LRIF1: variants seen among roughly 807,000 people sequenced by gnomAD.
The protein encoded by LRIF1 is ligand dependent nuclear receptor interacting factor 1, also known as ligand-dependent nuclear receptor-interacting factor 1.
In LRIF1, 32 loss-of-function variants were observed where a neutral mutation model predicts 52.7. That is an observed-to-expected ratio of 0.61 (90% CI 0.46 to 0.82). The LOEUF (loss-of-function observed/expected upper bound fraction) is 0.82, where lower values mean the gene tolerates loss of function less well. Ranked by LOEUF, LRIF1 falls within the 40% of genes least tolerant of loss-of-function variation. The pLI, the probability that LRIF1 is intolerant of heterozygous loss-of-function variation, is 0.00. For missense variants in LRIF1, 887 were observed against 892.0 expected, an observed-to-expected ratio of 0.99 and a Z score of 0.07; for synonymous variants, 323 against 317.4, an observed-to-expected ratio of 1.02 and a Z score of -0.19.
At chr1:110,915,734 G>A in the LRIF1 span, among the ~76,000 whole-genome samples, 10 of 152,132 alleles carry the variant, frequency 6.6e-5, no homozygotes, top group African/African-American at 2.4e-4. Context: ...TATACACAAG[G>A]CCAGTGTTTC....
At chr1:110,896,956 C>CT in the LRIF1 span, among the ~76,000 whole-genome samples, 1 of 152,176 alleles carries the variant, frequency 6.6e-6, no homozygotes, top group Non-Finnish European at 1.5e-5. Flanking sequence ...CTACACTAGA[C>CT]TATTACATTA....
chr1:110,945,385 TC>T (rs372916506), downstream of LRIF1, among the ~76,000 whole-genome samples: 145 of 151,946 alleles, frequency 9.5e-4, no homozygotes, highest in African/African-American at 3.3e-3. Flanking sequence ...TGCCCTTCCC[TC>T]CCCCTCTTCC....
chr1:110,940,803 G>C, the LRIF1 span: 1 of 152,148 alleles, frequency 6.6e-6, no homozygotes, highest in Non-Finnish European at 1.5e-5. Context: ...CATGGAGATA[G>C]TAGGATAGTT....
the LRIF1 span, among the ~76,000 whole-genome samples, chr1:110,894,063 G>A: frequency 6.6e-6 from 1 of 152,198 alleles, no homozygotes; most frequent in African/African-American, 2.4e-5. Context: ...AACAGGTGGT[G>A]GTGTGTATGT....
At chr1:110,894,289 G>C in the LRIF1 span, 13 of 1,579,078 alleles carry the variant, frequency 8.2e-6, no homozygotes, top group Admixed American at 1.7e-5. Flanking sequence ...GACGAGAATG[G>C]GGATCAGTGC....
the LRIF1 span, among the ~76,000 whole-genome samples, chr1:110,914,896 T>A: frequency 7.9e-4 from 120 of 152,350 alleles, no homozygotes; most frequent in African/African-American, 2.8e-3. Context: ...TTCACCACAG[T>A]ATGTCATTAC....
At chr1:110,892,299 A>G in the LRIF1 span, 1 of 1,428,734 alleles carries the variant, frequency 7.0e-7, no homozygotes, top group Admixed American at 1.7e-5. Flanking sequence ...GGAGATACCC[A>G]AGAACCACAT....
the LRIF1 span, among the ~76,000 whole-genome samples, chr1:110,905,990 A>G: frequency 6.6e-6 from 1 of 152,246 alleles, no homozygotes; most frequent in African/African-American, 2.4e-5. Context: ...GGGATATAAG[A>G]TAGTATTTGC....
intron 3 of LRIF1, 38 bp downstream of exon 3, chr1:110,949,813 T>C: frequency 1.3e-6 from 2 of 1,571,190 alleles, no homozygotes; most frequent in Non-Finnish European, 1.7e-6. Flanking sequence ...GTATCATTTG[T>C]AGTACCTATG....
At chr1:110,884,762 CT>C in the LRIF1 span, among the ~76,000 whole-genome samples, 28 of 152,074 alleles carry the variant, frequency 1.8e-4, no homozygotes, top group East Asian at 3.9e-3. Flanking sequence ...ACACTCCAGC[CT>C]TTTTTTCCCT....
At chr1:110,908,049 G>C in the LRIF1 span, among the ~76,000 whole-genome samples, 1 of 152,150 alleles carries the variant, frequency 6.6e-6, no homozygotes, top group Non-Finnish European at 1.5e-5. Flanking sequence ...CTTTCAGAGA[G>C]ATGATAAAAG....
Position 110,948,291 on chromosome 1 carries a change from C to CA in LRIF1, c.1977dup (p.Val660CysfsTer20). 2.5e-6 allele frequency: 4 copies of CA among 1,614,096 alleles called. No individual in the cohort carries two copies. Among genetic ancestry groups the CA allele is most frequent in the Non-Finnish European group, 3.4e-6 (4 of 1,180,012 alleles). ...CTGCTTAGGAGTTGGGAACCGGTGA[C>CA]ATTAGCTTCCCCATTTATGATTGCG... On this transcript the variant is annotated frameshift_variant, in exon 4 of 4. Transcript: ENST00000369763. LOFTEE classifies it high-confidence loss of function.
chr1:110,894,880 T>A, the LRIF1 span: 1 of 1,074,880 alleles, frequency 9.3e-7, no homozygotes, highest in African/African-American at 1.5e-5. Flanking sequence ...GTGGAACCAC[T>A]AACCTATACT....
the LRIF1 span, among the ~76,000 whole-genome samples, chr1:110,904,285 G>T: frequency 6.6e-6 from 1 of 152,210 alleles, no homozygotes. Context: ...GTGAACATAG[G>T]CAGTAGTCAG....
intron 1 of LRIF1, among the ~76,000 whole-genome samples, chr1:110,962,097 A>ACAC (rs1557844753): frequency 5.8e-5 from 5 of 86,390 alleles, no homozygotes; most frequent in African/African-American, 8.1e-5. Context: ...CACACACACA[A>ACAC]AGTAAAGTTG....
the LRIF1 span, chr1:110,897,956 A>C: frequency 1.1e-6 from 1 of 872,106 alleles, no homozygotes; most frequent in Non-Finnish European, 1.9e-6. Flanking sequence ...AGATTTCAGA[A>C]TAATACCAGG....
the LRIF1 span, among the ~76,000 whole-genome samples, chr1:110,931,472 T>A: frequency 1.3e-5 from 2 of 152,224 alleles, no homozygotes; most frequent in Non-Finnish European, 1.5e-5. Context: ...TATAGTAGCA[T>A]GATTTAAAAT....
At chr1:110,900,778 G>A in the LRIF1 span, among the ~76,000 whole-genome samples, 5 of 150,912 alleles carry the variant, frequency 3.3e-5, no homozygotes, top group African/African-American at 1.2e-4. Context: ...AAAAAAAAAG[G>A]AGATTATAGA....
At chr1:110,894,065 T>C in the LRIF1 span, among the ~76,000 whole-genome samples, 72 of 152,284 alleles carry the variant, frequency 4.7e-4, 1 homozygote, top group East Asian at 0.011. Context: ...CAGGTGGTGG[T>C]GTGTATGTAT....
Sources: allele counts gnomAD v4.1 joint callset (sites outside exome capture counted in the v4.1 genomes callset), GRCh38; gene constraint gnomAD v4.1.1; transcripts MANE v1.5; gene names NCBI Gene and HGNC (gene_info 2026-07-23, HGNC 2026-07-21).